Variants in SMYD3 observed in about 807,000 individuals in gnomAD.
SMYD3 encodes histone-lysine N-methyltransferase SMYD3.
SMYD3 carries 36 observed loss-of-function variants against 57.7 expected under a neutral mutation model. The observed-to-expected ratio is 0.62, with a 90% CI of 0.48 to 0.82. The LOEUF (loss-of-function observed/expected upper bound fraction) is 0.82, where lower values mean the gene tolerates loss of function less well. SMYD3 is among the 40% of genes least tolerant of loss of function. The pLI, the probability that SMYD3 is intolerant of heterozygous loss-of-function variation, is 0.00. For synonymous variants in SMYD3, 211 were observed against 195.0 expected, an observed-to-expected ratio of 1.08 and a Z score of -0.68; for missense variants, 515 against 538.8, an observed-to-expected ratio of 0.96 and a Z score of 0.44.
rs555381862 is a variant in SMYD3, at chr1:246,085,330, G to C, written c.532-155393C>G. Among the ~76,000 whole-genome samples, 403 of 152,114 alleles carry C rather than the reference G, an allele frequency of 2.6e-3. 3 individuals are homozygous for C. Among genetic ancestry groups the C allele is most frequent in the African/African-American group, 9.1e-3 (377 of 41,488 alleles). ...ACAATGCCAGAGGTAGCTACTGATG[G>C]GGTCCAAGACATCCTACCCCAAAAT... On this transcript the variant is annotated intron_variant, in intron 5 of 11. Coordinates refer to ENST00000490107, the MANE Select transcript of SMYD3 (RefSeq NM_001167740.2).
intron 8 of SMYD3, among the ~76,000 whole-genome samples, chr1:245,884,798 A>AATCAGCACTCTGTAAAATGGACCG (rs1316970341): frequency 1.3e-5 from 2 of 151,674 alleles, no homozygotes; most frequent in Admixed American, 6.6e-5. Context: ...TAAACGGACC[A>AATCAGCACTCTGTAAAATGGACCG]ATCAGCACTC....
intron 10 of SMYD3, among the ~76,000 whole-genome samples, chr1:245,811,241 C>T (rs1343005721): frequency 6.6e-6 from 1 of 152,172 alleles, no homozygotes; most frequent in Non-Finnish European, 1.5e-5. Context: ...ATAGATCAAA[C>T]ACCTGCCATC....
intron 10 of SMYD3, among the ~76,000 whole-genome samples, chr1:245,856,738 C>T (rs547344960): frequency 6.6e-6 from 1 of 152,282 alleles, no homozygotes; most frequent in South Asian, 2.1e-4. Context: ...GTGGCCCGAG[C>T]AGGGCAGCCT....
At chr1:245,848,779 A>G (rs950237872) in intron 10 of SMYD3, among the ~76,000 whole-genome samples, 2 of 152,058 alleles carry the variant, frequency 1.3e-5, no homozygotes, top group Admixed American at 1.3e-4. Context: ...TAGACGGGGA[A>G]TAAGTGGGGT....
At chr1:245,867,738 T>C (rs909651707) in intron 8 of SMYD3, among the ~76,000 whole-genome samples, 2 of 152,000 alleles carry the variant, frequency 1.3e-5, no homozygotes, top group Non-Finnish European at 2.9e-5. Flanking sequence ...GGATGGGGAA[T>C]ACTGGCACCA....
intron 5 of SMYD3, among the ~76,000 whole-genome samples, chr1:246,072,282 G>C (rs71533457): frequency 0.025 from 1,502 of 58,986 alleles, no homozygotes; most frequent in Admixed American, 0.044. Context: ...TGCTCACTGT[G>C]GATGCATCGT....
chr1:245,823,590 A>G (rs984261403), intron 10 of SMYD3, among the ~76,000 whole-genome samples: 3 of 152,232 alleles, frequency 2.0e-5, no homozygotes, highest in African/African-American at 7.2e-5. Context: ...ATATTCACAG[A>G]TACTCATTCA....
chr1:246,408,637 T>C (rs1011685986), intron 1 of SMYD3, among the ~76,000 whole-genome samples: 2 of 148,764 alleles, frequency 1.3e-5, no homozygotes, highest in African/African-American at 4.9e-5. Flanking sequence ...CCTCTCCCCA[T>C]CCTAATCCCT....
At chr1:246,247,487 T>TATATATATATATACATATATATATA (rs1558347068) in intron 5 of SMYD3, among the ~76,000 whole-genome samples, 3 of 141,360 alleles carry the variant, frequency 2.1e-5, no homozygotes, top group African/African-American at 8.4e-5. Flanking sequence ...ATATATATAT[T>TATATATATATATACATATATATATA]TTTTAACATG....
At position 245,954,402 on chromosome 1, in the gene SMYD3, T is replaced by C. The variant is rs1275304619; in HGVS notation, c.532-24465A>G. 2.6e-5 allele frequency among the ~76,000 whole-genome samples: 4 copies of C among 152,320 alleles called. 1 individual carries two copies. The South Asian group carries it at 8.3e-4, about 32-fold the overall frequency. On this transcript the variant is annotated intron_variant, in intron 5 of 11. Coordinates refer to ENST00000490107, the MANE Select transcript of SMYD3 (RefSeq NM_001167740.2). The stretch of plus-strand genomic sequence containing the variant: ...AAAGAAAGTGGTAGGCCAGGTGTGG[T>C]GGCTCACACACCTGTAATCTTAGCA...
intron 5 of SMYD3, among the ~76,000 whole-genome samples, chr1:246,055,238 G>A (rs550811258): frequency 4.6e-5 from 7 of 152,034 alleles, no homozygotes; most frequent in Non-Finnish European, 1.0e-4. Flanking sequence ...AGCCTTGTGC[G>A]TTACTGGTAG....
chr1:245,907,135 A>G lies in SMYD3; in HGVS notation c.813+8395T>C, dbSNP rs116621708. Among the ~76,000 whole-genome samples the G allele has an allele frequency of 4.9e-3, 746 of 152,328 alleles. 3 individuals are homozygous for G. The highest frequency in any genetic ancestry group is 0.017 in the African/African-American group (704 of 41,578). On this transcript the variant is annotated intron_variant, in intron 8 of 11. Transcript: ENST00000490107. ...ACAACAGAAATAGAAAGAATGGGTAAGACCTACTATTTGATAGCACAATAG... is the reference window on the plus strand; with the variant it reads ...ACAACAGAAATAGAAAGAATGGGTAGGACCTACTATTTGATAGCACAATAG...
chr1:246,488,382 G>C (rs1225346153), intron 1 of SMYD3, among the ~76,000 whole-genome samples: 1 of 152,150 alleles, frequency 6.6e-6, no homozygotes, highest in Non-Finnish European at 1.5e-5. Flanking sequence ...TCCAAGCTAA[G>C]CACAGAAAAA....
chr1:246,395,798 G>A (rs898595047), intron 1 of SMYD3, among the ~76,000 whole-genome samples: 1 of 148,146 alleles, frequency 6.8e-6, no homozygotes, highest in Admixed American at 6.7e-5. Context: ...ACAGGGAAGA[G>A]GAACCCACCA....
intron 5 of SMYD3, among the ~76,000 whole-genome samples, chr1:246,191,180 C>G (rs2062732613): frequency 1.3e-5 from 2 of 152,192 alleles, no homozygotes; most frequent in Admixed American, 1.3e-4. Flanking sequence ...TCCATGGAAG[C>G]AGCAAAATAT....
chr1:246,168,565 T>G lies in SMYD3; in HGVS notation c.531+158636A>C, dbSNP rs974059005. Among the ~76,000 whole-genome samples the G allele has an allele frequency of 2.0e-5, 3 of 152,190 alleles. No homozygotes were observed. The East Asian group carries it at 5.8e-4, about 29-fold the overall frequency. ...CCAAATCTCCTGCCCCATCACACAT[T>G]CCTGGGAATTAAAAAGAATGGAGAA... On this transcript the variant is annotated intron_variant, in intron 5 of 11. Transcript: ENST00000490107.
At chr1:246,267,065 T>A (rs2064123838) in intron 5 of SMYD3, among the ~76,000 whole-genome samples, 1 of 152,316 alleles carries the variant, frequency 6.6e-6, no homozygotes, top group East Asian at 1.9e-4. Context: ...AGAATATGTA[T>A]CTAGTACTGG....
chr1:246,073,267 A>G (rs2060488750), intron 5 of SMYD3, among the ~76,000 whole-genome samples: 2 of 152,234 alleles, frequency 1.3e-5, no homozygotes, highest in Non-Finnish European at 2.9e-5. Flanking sequence ...TACTGTGTAA[A>G]GTGGCCTATA....
intron 1 of SMYD3, among the ~76,000 whole-genome samples, chr1:246,462,588 G>A (rs1191813444): frequency 6.6e-6 from 1 of 152,134 alleles, no homozygotes; most frequent in Non-Finnish European, 1.5e-5. Context: ...AGGCTCGGAG[G>A]GCAGAAGAAT....
Sources: gnomAD v4.1 joint callset for allele counts (sites outside exome capture counted in the v4.1 genomes callset) on GRCh38, gnomAD v4.1.1 for gene constraint, MANE v1.5 for transcripts, NCBI Gene and HGNC (gene_info 2026-07-23, HGNC 2026-07-21) for gene names.